DLC1: variants seen among roughly 807,000 people sequenced by gnomAD.
DLC1 encodes the protein DLC1 Rho GTPase activating protein, also known as rho GTPase-activating protein 7.
In DLC1, 54 loss-of-function variants were observed where a neutral mutation model predicts 140.3. That is an observed-to-expected ratio of 0.38 (90% CI 0.31 to 0.48). The LOEUF (loss-of-function observed/expected upper bound fraction) is 0.48, where lower values mean the gene tolerates loss of function less well. Among genes scored for constraint, DLC1 ranks in the 20% least tolerant of loss-of-function variants. DLC1 has a pLI of 0.96. For missense variants in DLC1, 2,536 were observed against 1,907.0 expected (o/e 1.33, Z -6.14); for synonymous variants, 986 against 728.1 (o/e 1.35, Z -5.70).
chr8:13,559,927 C>T (rs1048207844), intron 1 of DLC1, among the ~76,000 whole-genome samples: 1 of 152,114 alleles, frequency 6.6e-6, no homozygotes, highest in Non-Finnish European at 1.5e-5. Flanking sequence ...TATAAAATTG[C>T]ATAAAGATGC....
rs376085834 is a variant in DLC1 at position 13,218,540 on chromosome 8, A to G, written c.1348+86729T>C. On this transcript the variant is annotated intron_variant, in intron 5 of 17. Coordinates refer to ENST00000276297, the MANE Select transcript of DLC1 (RefSeq NM_182643.3). Reference sequence around the variant, plus strand: ...GAAAAGATGCTCAGGGTTACTAGCCATTAGGGAATTGCAAATCAAAACTAC... The same window carrying G: ...GAAAAGATGCTCAGGGTTACTAGCCGTTAGGGAATTGCAAATCAAAACTAC... Among the ~76,000 whole-genome samples, 81 of 152,096 alleles carry G rather than the reference A, an allele frequency of 5.3e-4. 1 individual carries two copies. The East Asian group carries it at 0.011, about 21-fold the overall frequency.
At chr8:13,205,974 A>G (rs1194997346) in intron 5 of DLC1, among the ~76,000 whole-genome samples, 1 of 152,220 alleles carries the variant, frequency 6.6e-6, no homozygotes, top group Non-Finnish European at 1.5e-5. Flanking sequence ...GATCAAGAAG[A>G]CTATTAAAAT....
At chr8:13,580,974 G>C (rs1032610147) in intron 1 of DLC1, among the ~76,000 whole-genome samples, 12 of 152,206 alleles carry the variant, frequency 7.9e-5, no homozygotes, top group African/African-American at 2.7e-4. Flanking sequence ...ACTGAACTAA[G>C]GGGTACCCCA....
intron 4 of DLC1, among the ~76,000 whole-genome samples, chr8:13,308,168 A>G (rs1832532002): frequency 6.6e-6 from 1 of 152,240 alleles, no homozygotes; most frequent in Non-Finnish European, 1.5e-5. Flanking sequence ...AATGATAATC[A>G]GTGAGTTGGG....
intron 5 of DLC1, among the ~76,000 whole-genome samples, chr8:13,155,140 T>A (rs908153893): frequency 3.9e-5 from 6 of 152,210 alleles, no homozygotes; most frequent in Admixed American, 6.5e-5. Flanking sequence ...TGCTTTTTTT[T>A]TTTTTTAAAG....
chr8:13,507,359 A>C (rs1429205429), intron 1 of DLC1, among the ~76,000 whole-genome samples: 1 of 152,196 alleles, frequency 6.6e-6, no homozygotes, highest in African/African-American at 2.4e-5. Flanking sequence ...CAAAAACCGT[A>C]AGAGCACATT....
chr8:13,533,443 T>G (rs1018230655), intron 1 of DLC1, among the ~76,000 whole-genome samples: 3 of 152,194 alleles, frequency 2.0e-5, no homozygotes, highest in Non-Finnish European at 4.4e-5. Flanking sequence ...TTTCTCATCT[T>G]AAAATGAGTG....
At chr8:13,277,934 C>T (rs192631819) in intron 5 of DLC1, among the ~76,000 whole-genome samples, 117 of 152,326 alleles carry the variant, frequency 7.7e-4, no homozygotes, top group Non-Finnish European at 1.4e-3. Context: ...CTACAACACG[C>T]ATTATTTTCA....
At chr8:13,357,414 A>T (rs1204967487) in intron 4 of DLC1, among the ~76,000 whole-genome samples, 1 of 152,240 alleles carries the variant, frequency 6.6e-6, no homozygotes, top group Non-Finnish European at 1.5e-5. Context: ...TCTGCTGCTA[A>T]GACTCCAGCT....
At chr8:13,232,585 C>G (rs1020697937) in intron 5 of DLC1, among the ~76,000 whole-genome samples, 6 of 152,210 alleles carry the variant, frequency 3.9e-5, no homozygotes, top group Non-Finnish European at 8.8e-5. Context: ...CTTGCCTCGG[C>G]CTCCCAAAGT....
At chr8:13,384,819 C>A (rs1195678657) in intron 4 of DLC1, among the ~76,000 whole-genome samples, 2 of 151,940 alleles carry the variant, frequency 1.3e-5, no homozygotes, top group African/African-American at 4.8e-5. Flanking sequence ...GATGAAGAAA[C>A]CTTAGAAATG....
chr8:13,135,659 C>G (rs1022838331), intron 5 of DLC1, among the ~76,000 whole-genome samples: 5 of 152,148 alleles, frequency 3.3e-5, no homozygotes, highest in African/African-American at 1.2e-4. Context: ...ATCTCCCCTC[C>G]AAATACACCA....
chr8:13,402,143 C>G (rs1284032063), intron 2 of DLC1, among the ~76,000 whole-genome samples: 3 of 152,184 alleles, frequency 2.0e-5, no homozygotes, highest in African/African-American at 7.2e-5. Flanking sequence ...GCCACTGCTA[C>G]TTAAAGATAT....
intron 2 of DLC1, among the ~76,000 whole-genome samples, chr8:13,481,567 C>A (rs555317582): frequency 1.3e-5 from 2 of 152,232 alleles, no homozygotes; most frequent in Non-Finnish European, 2.9e-5. Context: ...GAAGGAGAAG[C>A]TTTGAGCAAG....
At chr8:13,305,617 C>T (rs978214971) in intron 4 of DLC1, among the ~76,000 whole-genome samples, 1 of 152,122 alleles carries the variant, frequency 6.6e-6, no homozygotes, top group East Asian at 1.9e-4. Context: ...ACAGGCGGAT[C>T]GTTGAGCCCA....
At chr8:13,569,246 C>T (rs755062308) in intron 1 of DLC1, among the ~76,000 whole-genome samples, 1 of 152,094 alleles carries the variant, frequency 6.6e-6, no homozygotes. Context: ...TGTCCAACAC[C>T]TGAATTATCT....
chr8:13,368,324 C>G (rs1193170510), intron 4 of DLC1, among the ~76,000 whole-genome samples: 1 of 152,062 alleles, frequency 6.6e-6, no homozygotes, highest in Non-Finnish European at 1.5e-5. Context: ...TCCCTTCCCC[C>G]GCTTTCCATC....
At chr8:13,392,764 A>G (rs1836820425) in intron 4 of DLC1, among the ~76,000 whole-genome samples, 1 of 152,064 alleles carries the variant, frequency 6.6e-6, no homozygotes, top group Non-Finnish European at 1.5e-5. Flanking sequence ...TTTATTCACA[A>G]TCTACACATG....
intron 4 of DLC1, among the ~76,000 whole-genome samples, chr8:13,325,000 A>C (rs958235498): frequency 6.6e-6 from 1 of 152,222 alleles, no homozygotes; most frequent in Non-Finnish European, 1.5e-5. Context: ...CTGAATGCTA[A>C]AATACGTCCC....
Sources: gnomAD v4.1 joint callset for allele counts (sites outside exome capture counted in the v4.1 genomes callset) on GRCh38, gnomAD v4.1.1 for gene constraint, MANE v1.5 for transcripts, NCBI Gene and HGNC (gene_info 2026-07-23, HGNC 2026-07-21) for gene names.